GRIN2B: variants seen among roughly 807,000 people sequenced by gnomAD.
GRIN2B encodes glutamate ionotropic receptor NMDA type subunit 2B.
A neutral mutation model predicts 114.5 loss-of-function variants in GRIN2B; 5 were observed. The ratio of observed to expected loss-of-function variants is 0.04; its 90% confidence interval spans 0.02 to 0.09. The LOEUF is 0.09. Among genes scored for constraint, GRIN2B ranks in the 10% least tolerant of loss-of-function variants. The probability of loss-of-function intolerance (pLI) is 1.00; values close to 1 mark genes in which losing one functional copy is unlikely to be tolerated. For synonymous variants in GRIN2B, 787 were observed against 745.1 expected (o/e 1.06, Z -0.92); for missense variants, 1,108 against 1,943.5 (o/e 0.57, Z 8.08).
chr12:13,825,495 T>TG (rs1462316378), intron 3 of GRIN2B, among the ~76,000 whole-genome samples: 1,383 of 98,680 alleles, frequency 0.014, 15 homozygotes, highest in Non-Finnish European at 0.023. Flanking sequence ...ATATATATAT[T>TG]TTGTGTGTGT....
At position 13,608,618 on chromosome 12, in the gene GRIN2B, G is replaced by A. The variant is rs1316353433; in HGVS notation, c.1995C>T (p.Gly665=). The A allele has an allele frequency of 2.5e-6, 4 of 1,612,790 alleles. No individual in the cohort carries two copies. Among genetic ancestry groups the A allele is most frequent in the Non-Finnish European group, 3.4e-6 (4 of 1,178,846 alleles). Residue 665 remains glycine (G), a synonymous_variant, in exon 10 of 14, where the codon GGC becomes GGT. Transcript: ENST00000609686. The part of the protein sequence containing the change: ...IQEEYVDQVS[G]LSDKKFQRPN... ...AGTCTCTTACCTTTTTGTCGCTCAG[G>A]CCAGAAACCTGGTCCACATATTCCT...
At chr12:13,808,504 C>T (rs1334999934) in intron 3 of GRIN2B, among the ~76,000 whole-genome samples, 2 of 150,308 alleles carry the variant, frequency 1.3e-5, no homozygotes, top group African/African-American at 4.9e-5. Flanking sequence ...CATGTCCCTA[C>T]AAAGGACATG....
At chr12:13,724,607 G>A (rs741327) in intron 4 of GRIN2B, among the ~76,000 whole-genome samples, 52,144 of 151,832 alleles carry the variant, frequency 0.34, 10,046 homozygotes, top group East Asian at 0.58. Context: ...AATTTTATGT[G>A]AGACTGAAAA....
Position 13,615,712 on chromosome 12 carries a change from C to T in GRIN2B, c.1329-48G>A. 6.5e-7 allele frequency: 1 copy of T among 1,532,740 alleles called. No individual in the cohort carries two copies. Among genetic ancestry groups the T allele is most frequent in the Non-Finnish European group, 9.0e-7 (1 of 1,106,130 alleles). The allele number at this position is 1,532,740 out of a possible 1,614,324, so 94.9% of individuals were successfully genotyped here. ...ACAAACAAACAAAAAAGTCTTTGTA[C>T]AAAAAGCCAACATTTATTACCCTTT... On this transcript the variant is annotated intron_variant, in intron 6 of 13. Transcript: ENST00000609686. This position sits in a 1 kb window ranked among gnomAD's most constrained non-coding sequence, Gnocchi z 5.8.
At chr12:13,847,566 G>A (rs751085313) in intron 3 of GRIN2B, among the ~76,000 whole-genome samples, 18 of 152,124 alleles carry the variant, frequency 1.2e-4, no homozygotes, top group Admixed American at 3.9e-4. Context: ...TGATGGCTGC[G>A]TGTACCACAT....
At chr12:13,651,722 T>C (rs903927801) in intron 5 of GRIN2B, among the ~76,000 whole-genome samples, 2 of 152,110 alleles carry the variant, frequency 1.3e-5, no homozygotes, top group East Asian at 1.9e-4. Context: ...AAACAGCCTA[T>C]ATCAGAAGTT....
chr12:13,687,002 C>G (rs1486751903), intron 4 of GRIN2B, among the ~76,000 whole-genome samples: 1 of 152,068 alleles, frequency 6.6e-6, no homozygotes, highest in Non-Finnish European at 1.5e-5. Context: ...CCCGACCTTG[C>G]TTCTTCTCTC....
chr12:13,717,430 C>T (rs1446620306), intron 4 of GRIN2B, among the ~76,000 whole-genome samples: 3 of 151,972 alleles, frequency 2.0e-5, no homozygotes, highest in African/African-American at 7.2e-5. Flanking sequence ...AAATTACTTT[C>T]CATTAGCCAC....
intron 10 of GRIN2B, among the ~76,000 whole-genome samples, chr12:13,596,166 A>G (rs938034125): frequency 6.6e-6 from 1 of 152,158 alleles, no homozygotes; most frequent in African/African-American, 2.4e-5. Context: ...ATTAGAAATC[A>G]CAGTATTCTT....
chr12:13,970,914 C>T (rs1032311756), intron 2 of GRIN2B, among the ~76,000 whole-genome samples: 1 of 152,170 alleles, frequency 6.6e-6, no homozygotes, highest in Non-Finnish European at 1.5e-5. Flanking sequence ...ATTCTCCATT[C>T]CCCCTCAAGC....
At chr12:13,766,373 C>G (rs931066015) in intron 3 of GRIN2B, among the ~76,000 whole-genome samples, 1 of 152,184 alleles carries the variant, frequency 6.6e-6, no homozygotes, top group Non-Finnish European at 1.5e-5. Flanking sequence ...TTCTACTTAT[C>G]CCTCTCTTTC....
intron 5 of GRIN2B, among the ~76,000 whole-genome samples, chr12:13,620,532 T>A (rs1281352364): frequency 6.6e-6 from 1 of 152,218 alleles, no homozygotes; most frequent in African/African-American, 2.4e-5. Context: ...TCATTCATCA[T>A]TTCATGGTAT....
At chr12:13,592,359 T>G (rs1291549543) in intron 10 of GRIN2B, among the ~76,000 whole-genome samples, 1 of 152,190 alleles carries the variant, frequency 6.6e-6, no homozygotes, top group Non-Finnish European at 1.5e-5. Context: ...CCCAGCAGCA[T>G]GAACCTATCT....
chr12:13,564,875 GC>G lies in GRIN2B; in HGVS notation c.2599-237del, dbSNP rs2136406916. Among the ~76,000 whole-genome samples, 1 of 152,350 alleles carries G rather than the reference GC, an allele frequency of 6.6e-6. No homozygotes were observed. Among genetic ancestry groups the G allele is most frequent in the East Asian group, 1.9e-4 (1 of 5,186 alleles). ...CCTGGCCATCAGAGGGGGGGGCATGGCCCCACCCAGTAACTTGAGCAAAGGG... is the reference window on the plus strand; with the variant it reads ...CCTGGCCATCAGAGGGGGGGGCATGGCCCACCCAGTAACTTGAGCAAAGGG... On this transcript the variant is annotated intron_variant, in intron 13 of 13. Coordinates refer to ENST00000609686, the MANE Select transcript of GRIN2B (RefSeq NM_000834.5). The surrounding 1 kb of genome is among the most constrained non-coding windows in gnomAD (Gnocchi z 4.8).
At position 13,559,558 on chromosome 12, in the gene GRIN2B, A is replaced by C. The variant is rs921650849; in HGVS notation, c.*3225T>G. ...TATTGGCACCATTGCTCACATACCC[A>C]CCCTCCCACGTCTAAACCTAACTTC... On this transcript the variant is annotated 3_prime_UTR_variant, in exon 14 of 14. Coordinates refer to ENST00000609686, the MANE Select transcript of GRIN2B (RefSeq NM_000834.5). The C allele has an allele frequency of 2.0e-5, 3 of 152,034 alleles. No individual in the cohort carries two copies. The highest frequency in any genetic ancestry group is 2.9e-5 in the Non-Finnish European group (2 of 68,002). 9.4% of individuals were successfully genotyped at this position (152,034 alleles called of 1,614,324 possible).
intron 3 of GRIN2B, among the ~76,000 whole-genome samples, chr12:13,787,580 G>A (rs773419707): frequency 7.2e-5 from 11 of 151,952 alleles, no homozygotes; most frequent in East Asian, 1.9e-4. Context: ...TCTCATGGGC[G>A]GAAGAAAAAA....
chr12:13,656,082 C>T (rs1949860408), intron 5 of GRIN2B, among the ~76,000 whole-genome samples: 2 of 152,194 alleles, frequency 1.3e-5, no homozygotes, highest in African/African-American at 4.8e-5. Flanking sequence ...CACTCATCTT[C>T]CTCAATCTCC....
intron 3 of GRIN2B, among the ~76,000 whole-genome samples, chr12:13,864,318 T>A (rs540592477): frequency 2.0e-5 from 3 of 152,248 alleles, no homozygotes; most frequent in African/African-American, 7.2e-5. Flanking sequence ...TCGGCTCAGC[T>A]GCTCCACTGC....
chr12:13,930,499 G>T (rs1867007745), intron 2 of GRIN2B, among the ~76,000 whole-genome samples: 1 of 152,150 alleles, frequency 6.6e-6, no homozygotes, highest in African/African-American at 2.4e-5. Context: ...ACCTGCCCCT[G>T]ATCTTGAGCC....
Sources: allele counts gnomAD v4.1 joint callset (sites outside exome capture counted in the v4.1 genomes callset), GRCh38; gene constraint gnomAD v4.1.1; non-coding constraint Gnocchi (gnomAD v3.1); transcripts MANE v1.5; gene names NCBI Gene and HGNC (gene_info 2026-07-23, HGNC 2026-07-21).